Variants in TNIK observed in about 807,000 individuals in gnomAD.
The protein encoded by TNIK is TRAF2 and NCK-interacting protein kinase.
In TNIK, 49 loss-of-function variants were observed where a neutral mutation model predicts 191.3. The ratio of observed to expected loss-of-function variants is 0.26; its 90% confidence interval spans 0.20 to 0.32. TNIK has a LOEUF of 0.32. TNIK is among the 10% of genes least tolerant of loss of function. TNIK has a pLI of 1.00. For synonymous variants in TNIK, 594 were observed against 600.9 expected (o/e 0.99, Z 0.17); for missense variants, 1,155 against 1,702.3 (o/e 0.68, Z 5.66).
chr3:171,347,331 G>T (rs1207518007), intron 2 of TNIK: 1 of 1,151,208 alleles, frequency 8.7e-7, no homozygotes, highest in East Asian at 2.6e-5. Context: ...GTAGCATCTA[G>T]ATGCCTGGTA....
chr3:171,171,374 C>T (rs954096865), intron 9 of TNIK, among the ~76,000 whole-genome samples: 7 of 152,148 alleles, frequency 4.6e-5, no homozygotes, highest in Non-Finnish European at 8.8e-5. Context: ...CATAAAATAA[C>T]GGGGGTGATT....
intron 1 of TNIK, among the ~76,000 whole-genome samples, chr3:171,404,485 C>T (rs534507229): frequency 6.6e-6 from 1 of 151,746 alleles, no homozygotes; most frequent in African/African-American, 2.4e-5. Flanking sequence ...TCTGATCTTC[C>T]AAATGCTTGG....
intron 18 of TNIK, among the ~76,000 whole-genome samples, chr3:171,120,650 G>A (rs886822477): frequency 6.6e-6 from 1 of 152,086 alleles, no homozygotes; most frequent in Non-Finnish European, 1.5e-5. Flanking sequence ...TAGCACAACA[G>A]TGGTTTATTT....
intron 2 of TNIK, among the ~76,000 whole-genome samples, chr3:171,369,363 C>G (rs1716175366): frequency 1.3e-5 from 2 of 152,126 alleles, no homozygotes; most frequent in South Asian, 4.1e-4. Context: ...TGAAGAGCTT[C>G]AAATATGTGC....
chr3:171,095,346 C>T (rs765653123), intron 22 of TNIK, among the ~76,000 whole-genome samples: 3 of 152,142 alleles, frequency 2.0e-5, no homozygotes, highest in Non-Finnish European at 4.4e-5. Context: ...GATTTGAGAA[C>T]CACACACCAC....
chr3:171,191,055 A>G (rs1293110117), intron 5 of TNIK, among the ~76,000 whole-genome samples: 1 of 152,198 alleles, frequency 6.6e-6, no homozygotes, highest in Admixed American at 6.5e-5. Context: ...GTATCAGGGA[A>G]CCACACAAGT....
At chr3:171,269,721 A>AC (rs1206365171) in intron 2 of TNIK, among the ~76,000 whole-genome samples, 2 of 152,242 alleles carry the variant, frequency 1.3e-5, no homozygotes, top group African/African-American at 2.4e-5. Context: ...GACCACTGAA[A>AC]CAGCCTATGC....
At chr3:171,254,959 A>G (rs1746668260) in intron 2 of TNIK, among the ~76,000 whole-genome samples, 1 of 152,226 alleles carries the variant, frequency 6.6e-6, no homozygotes, top group Non-Finnish European at 1.5e-5. Context: ...AGTAAAATAA[A>G]AAGGGATTTA....
At chr3:171,188,252 G>A (rs1282328456) in intron 7 of TNIK, among the ~76,000 whole-genome samples, 1 of 152,040 alleles carries the variant, frequency 6.6e-6, no homozygotes, top group Non-Finnish European at 1.5e-5. Flanking sequence ...TCATGAAAAA[G>A]AAACCCCAGA....
chr3:171,189,473 TA>T (rs540805678), intron 6 of TNIK, among the ~76,000 whole-genome samples: 9 of 151,980 alleles, frequency 5.9e-5, no homozygotes, highest in Non-Finnish European at 1.3e-4. Context: ...AAATAGGTGT[TA>T]AAAAAAAGTA....
intron 15 of TNIK, 41 bp downstream of exon 15, chr3:171,138,150 A>G (rs1367145657): frequency 6.7e-7 from 1 of 1,503,392 alleles, no homozygotes; most frequent in Non-Finnish European, 8.8e-7. Flanking sequence ...ATTAGAGTCA[A>G]AAGCCTGGCC....
chr3:171,177,873 T>C (rs1736147480), intron 7 of TNIK, among the ~76,000 whole-genome samples: 2 of 152,332 alleles, frequency 1.3e-5, no homozygotes, highest in Middle Eastern at 6.8e-3. Flanking sequence ...CCCACTCTCC[T>C]GTCCCTAGGC....
chr3:171,397,385 C>T (rs1202097687), intron 1 of TNIK, among the ~76,000 whole-genome samples: 6 of 152,262 alleles, frequency 3.9e-5, no homozygotes, highest in Non-Finnish European at 5.9e-5. Flanking sequence ...AACACAGTAA[C>T]GCCTCTGAAT....
intron 2 of TNIK, among the ~76,000 whole-genome samples, chr3:171,248,368 G>T (rs561270509): frequency 2.0e-5 from 3 of 152,302 alleles, no homozygotes; most frequent in South Asian, 2.1e-4. Flanking sequence ...GTTGAGCTGT[G>T]CAGCCCAAAT....
At chr3:171,256,685 A>G (rs1299839011) in intron 2 of TNIK, among the ~76,000 whole-genome samples, 10 of 152,184 alleles carry the variant, frequency 6.6e-5, no homozygotes, top group African/African-American at 2.4e-4. Flanking sequence ...TACTGACCCA[A>G]AAGAGAAGCC....
intron 18 of TNIK, 125 bp from the exon 19 acceptor site, chr3:171,111,002 A>G: frequency 1.1e-6 from 1 of 947,072 alleles, no homozygotes; most frequent in South Asian, 2.9e-5. Context: ...TAGCAAGAAA[A>G]CGAATAACCC....
chr3:171,272,256 C>T (rs1414128392), intron 2 of TNIK, among the ~76,000 whole-genome samples: 1 of 152,200 alleles, frequency 6.6e-6, no homozygotes, highest in East Asian at 1.9e-4. Flanking sequence ...CTGTTGAGGT[C>T]TGCAGGGCAA....
intron 5 of TNIK, among the ~76,000 whole-genome samples, chr3:171,193,925 G>A (rs1246496600): frequency 6.6e-6 from 1 of 152,142 alleles, no homozygotes; most frequent in Non-Finnish European, 1.5e-5. Context: ...TTCCTGATTG[G>A]GGGATGTGTG....
chr3:171,434,944 C>T (rs2108672517), intron 1 of TNIK, among the ~76,000 whole-genome samples: 1 of 152,230 alleles, frequency 6.6e-6, no homozygotes, highest in East Asian at 1.9e-4. Context: ...AAACACACAA[C>T]TGAGAGTGGC....
Sources: allele counts gnomAD v4.1 joint callset (sites outside exome capture counted in the v4.1 genomes callset), GRCh38; gene constraint gnomAD v4.1.1; transcripts MANE v1.5; gene names NCBI Gene and HGNC (gene_info 2026-07-23, HGNC 2026-07-21).